The following RTN1 variants were observed in gnomAD, a reference collection of about 807,000 sequenced individuals.
The protein encoded by RTN1 is reticulon-1.
A neutral mutation model predicts 65.5 loss-of-function variants in RTN1; 25 were observed. The observed-to-expected ratio is 0.38, with a 90% CI of 0.28 to 0.53. RTN1 has a LOEUF of 0.53. Ranked by LOEUF, RTN1 falls within the 20% of genes least tolerant of loss-of-function variation. The probability of loss-of-function intolerance (pLI) is 0.79; values close to 1 mark genes in which losing one functional copy is unlikely to be tolerated. For missense variants in RTN1, 983 were observed against 1,025.4 expected (o/e 0.96, Z 0.57); for synonymous variants, 471 against 447.6 (o/e 1.05, Z -0.66).
At chr14:59,788,188 C>T (rs1886286797) in intron 1 of RTN1, among the ~76,000 whole-genome samples, 1 of 152,186 alleles carries the variant, frequency 6.6e-6, no homozygotes, top group African/African-American at 2.4e-5. Context: ...TCCTTGTACA[C>T]ATAAATTGAT....
chr14:59,622,513 G>T (rs1382276799), intron 3 of RTN1, among the ~76,000 whole-genome samples: 1 of 115,498 alleles, frequency 8.7e-6, no homozygotes, highest in African/African-American at 2.5e-5. Context: ...TTTGTGGACA[G>T]AGTAAGAAGG....
At chr14:59,690,863 G>T (rs1038691969) in intron 3 of RTN1, among the ~76,000 whole-genome samples, 1 of 151,904 alleles carries the variant, frequency 6.6e-6, no homozygotes, top group African/African-American at 2.4e-5. Context: ...CAAAATTAAG[G>T]TATAAAGAAA....
At chr14:59,779,712 A>C (rs1171416006) in intron 1 of RTN1, among the ~76,000 whole-genome samples, 2 of 152,162 alleles carry the variant, frequency 1.3e-5, no homozygotes, top group Middle Eastern at 3.4e-3. Context: ...AGTGATTCTG[A>C]GAATTTGCCT....
intron 3 of RTN1, among the ~76,000 whole-genome samples, chr14:59,640,267 A>G (rs1453389535): frequency 6.6e-6 from 1 of 151,978 alleles, no homozygotes; most frequent in South Asian, 2.1e-4. Context: ...GCTTATGTCA[A>G]TGTTGGTTTT....
At chr14:59,617,922 C>A (rs1882147576) in intron 3 of RTN1, among the ~76,000 whole-genome samples, 1 of 152,158 alleles carries the variant, frequency 6.6e-6, no homozygotes, top group African/African-American at 2.4e-5. Flanking sequence ...GAAGCCAGAG[C>A]AATCAATGGC....
At chr14:59,659,786 A>G (rs1883204687) in intron 3 of RTN1, among the ~76,000 whole-genome samples, 1 of 152,226 alleles carries the variant, frequency 6.6e-6, no homozygotes, top group Non-Finnish European at 1.5e-5. Flanking sequence ...CTGCAAAAAC[A>G]TACCAAATTG....
At chr14:59,610,698 A>C (rs1415299557) in intron 3 of RTN1, among the ~76,000 whole-genome samples, 1 of 152,140 alleles carries the variant, frequency 6.6e-6, no homozygotes, top group Admixed American at 6.5e-5. Context: ...CCCAAAGCAC[A>C]CCTCCTTCTT....
chr14:59,607,915 AG>A (rs33957886), intron 3 of RTN1, among the ~76,000 whole-genome samples: 27,050 of 146,820 alleles, frequency 0.18, 3,317 homozygotes, highest in African/African-American at 0.37. Context: ...AAAAAAAAAA[AG>A]AGAGAGAGAG....
chr14:59,734,799 T>C (rs1408824130), intron 2 of RTN1, among the ~76,000 whole-genome samples: 1 of 152,106 alleles, frequency 6.6e-6, no homozygotes, highest in Admixed American at 6.5e-5. Context: ...TAGAACCAAG[T>C]TGGAAAACAT....
intron 3 of RTN1, among the ~76,000 whole-genome samples, chr14:59,672,605 T>C (rs914577614): frequency 1.3e-5 from 2 of 149,674 alleles, no homozygotes; most frequent in Non-Finnish European, 3.0e-5. Context: ...ATTTGTTGAA[T>C]GAATGAATAC....
At chr14:59,865,016 T>G (rs942745461) in intron 1 of RTN1, among the ~76,000 whole-genome samples, 4 of 152,174 alleles carry the variant, frequency 2.6e-5, no homozygotes, top group African/African-American at 9.7e-5. Flanking sequence ...GTTGAGCGTT[T>G]TGCAGAGTTC....
At chr14:59,734,703 A>C (rs1264826641) in intron 2 of RTN1, among the ~76,000 whole-genome samples, 1 of 152,244 alleles carries the variant, frequency 6.6e-6, no homozygotes, top group Non-Finnish European at 1.5e-5. Context: ...AATGAAAAAG[A>C]ATGAACAAAA....
intron 3 of RTN1, among the ~76,000 whole-genome samples, chr14:59,641,593 A>T (rs1882782624): frequency 6.6e-6 from 1 of 151,588 alleles, no homozygotes; most frequent in South Asian, 2.1e-4. Context: ...CTAGTCTTGA[A>T]CTCCCGACCT....
intron 1 of RTN1, among the ~76,000 whole-genome samples, chr14:59,844,099 C>T (rs989996849): frequency 7.9e-5 from 12 of 152,054 alleles, no homozygotes; most frequent in Non-Finnish European, 1.5e-4. Context: ...TGAGTCCTTT[C>T]TGGGAAAAAG....
chr14:59,739,528 G>A (rs1390851189), intron 2 of RTN1, among the ~76,000 whole-genome samples: 12 of 140,750 alleles, frequency 8.5e-5, no homozygotes, highest in African/African-American at 3.1e-4. Flanking sequence ...GCAACAGAGC[G>A]AGACTCTGTC....
At chr14:59,711,861 C>T (rs1315858026) in intron 3 of RTN1, among the ~76,000 whole-genome samples, 1 of 152,142 alleles carries the variant, frequency 6.6e-6, no homozygotes, top group African/African-American at 2.4e-5. Flanking sequence ...CTCCATGCAT[C>T]AAGATGCATA....
intron 3 of RTN1, among the ~76,000 whole-genome samples, chr14:59,666,630 C>A (rs901001720): frequency 6.6e-6 from 1 of 151,270 alleles, no homozygotes; most frequent in Admixed American, 6.6e-5. Flanking sequence ...GAAAACCCTT[C>A]AAAAAAAATC....
chr14:59,755,911 C>T (rs978479184), intron 1 of RTN1, among the ~76,000 whole-genome samples: 11 of 152,200 alleles, frequency 7.2e-5, no homozygotes, highest in Admixed American at 1.3e-4. Context: ...CTTTCCCCAA[C>T]TCACTGCCTT....
intron 3 of RTN1, among the ~76,000 whole-genome samples, chr14:59,685,703 A>G (rs1476241159): frequency 6.6e-6 from 1 of 152,222 alleles, no homozygotes; most frequent in Non-Finnish European, 1.5e-5. Context: ...ATATTCATGA[A>G]TTAGAAGAAT....
Sources: gnomAD v4.1 joint callset for allele counts (sites outside exome capture counted in the v4.1 genomes callset) on GRCh38, gnomAD v4.1.1 for gene constraint, MANE v1.5 for transcripts, NCBI Gene and HGNC (gene_info 2026-07-23, HGNC 2026-07-21) for gene names.